DIS3L2: variants seen among roughly 807,000 people sequenced by gnomAD.
DIS3L2 encodes the protein DIS3 like 3'-5' exoribonuclease 2.
Under a neutral mutation model 97.5 loss-of-function variants are expected in DIS3L2, and 34 were observed. The observed-to-expected ratio is 0.35, with a 90% CI of 0.27 to 0.46. DIS3L2 has a LOEUF of 0.46. Among genes scored for constraint, DIS3L2 ranks in the 20% least tolerant of loss-of-function variants. The pLI, the probability that DIS3L2 is intolerant of heterozygous loss-of-function variation, is 1.00. For synonymous variants in DIS3L2, 435 were observed against 445.2 expected, an observed-to-expected ratio of 0.98 and a Z score of 0.29; for missense variants, 1,038 against 1,146.0, an observed-to-expected ratio of 0.91 and a Z score of 1.36.
chr2:232,065,471 C>T (rs1695828742), intron 5 of DIS3L2, among the ~76,000 whole-genome samples: 1 of 151,982 alleles, frequency 6.6e-6, no homozygotes, highest in East Asian at 1.9e-4. Context: ...TAAAAGACTC[C>T]TTTCCCTATT....
intron 1 of DIS3L2, among the ~76,000 whole-genome samples, chr2:231,969,628 A>G (rs1231487188): frequency 6.6e-6 from 1 of 152,150 alleles, no homozygotes; most frequent in Non-Finnish European, 1.5e-5. Flanking sequence ...GCTTTTTAAT[A>G]GATTCCATTG....
chr2:232,167,977 G>C (rs530973844), intron 9 of DIS3L2, among the ~76,000 whole-genome samples: 2 of 152,236 alleles, frequency 1.3e-5, no homozygotes, highest in African/African-American at 4.8e-5. Context: ...TGAACCCGGA[G>C]GCAGAGGTTA....
intron 9 of DIS3L2, among the ~76,000 whole-genome samples, chr2:232,179,921 C>A (rs1282265170): frequency 3.0e-5 from 4 of 131,856 alleles, no homozygotes; most frequent in African/African-American, 1.5e-4. Context: ...AATTTTGGAT[C>A]TTTCCTGCTT....
chr2:232,125,188 C>T (rs1417594728), intron 6 of DIS3L2, among the ~76,000 whole-genome samples: 4 of 152,234 alleles, frequency 2.6e-5, no homozygotes, highest in Non-Finnish European at 4.4e-5. Context: ...TGTCAAACTG[C>T]GGGGCTCCCA....
intron 9 of DIS3L2, among the ~76,000 whole-genome samples, chr2:232,209,378 G>A (rs1209525760): frequency 6.6e-6 from 1 of 152,160 alleles, no homozygotes; most frequent in Non-Finnish European, 1.5e-5. Flanking sequence ...CAGGGAAGAA[G>A]TCTTTAAGAA....
intron 13 of DIS3L2, among the ~76,000 whole-genome samples, chr2:232,265,735 CAG>C (rs780822140): frequency 1.3e-4 from 20 of 152,174 alleles, no homozygotes; most frequent in Admixed American, 5.2e-4. Context: ...AGTTGTAAAA[CAG>C]GGGATAATTA....
chr2:232,108,664 T>G (rs762005080), intron 6 of DIS3L2, among the ~76,000 whole-genome samples: 81 of 152,334 alleles, frequency 5.3e-4, no homozygotes, highest in Non-Finnish European at 4.7e-4. Flanking sequence ...AACCTCATAG[T>G]GTCAGCCCAA....
intron 6 of DIS3L2, among the ~76,000 whole-genome samples, chr2:232,125,426 T>G (rs1698035888): frequency 6.6e-6 from 1 of 152,210 alleles, no homozygotes; most frequent in Non-Finnish European, 1.5e-5. Flanking sequence ...CTTTTCATAG[T>G]GCCCAGTTCT....
intron 3 of DIS3L2, among the ~76,000 whole-genome samples, chr2:232,016,481 T>G (rs1694356325): frequency 6.6e-6 from 1 of 152,080 alleles, no homozygotes; most frequent in African/African-American, 2.4e-5. Context: ...ATGGGGAAAC[T>G]GTGTAGGCTG....
intron 10 of DIS3L2, among the ~76,000 whole-genome samples, chr2:232,218,959 C>G (rs560256551): frequency 1.3e-5 from 2 of 152,326 alleles, no homozygotes; most frequent in Non-Finnish European, 2.9e-5. Context: ...CCCAGCGCTG[C>G]TTCCCTTAAC....
rs57766848 is a variant in DIS3L2, at chr2:232,001,557, C to CTTTTTTTTTTTT, written c.-93-13266_-93-13255dup. ...CTTAGCTTAGTGGAATGCCATTTGTCTTTTTTTTTTTTTTTTTTTTTTTGC... is the reference window on the plus strand; with the variant it reads ...CTTAGCTTAGTGGAATGCCATTTGTCTTTTTTTTTTTTTTTTTTTTTTTTTTTTTTTTTTTGC... On this transcript the variant is annotated intron_variant, in intron 1 of 20. Coordinates refer to ENST00000325385, the MANE Select transcript of DIS3L2 (RefSeq NM_152383.5). Among the ~76,000 whole-genome samples, 109 of 61,920 alleles carry CTTTTTTTTTTTT rather than the reference C, an allele frequency of 1.8e-3. 1 individual carries two copies. The highest frequency in any genetic ancestry group is 2.8e-3 in the African/African-American group (32 of 11,536). The allele number at this position is 61,920 out of a possible 152,430, so 40.6% of individuals were successfully genotyped here. A position where few individuals can be genotyped will look rare whatever the true frequency, so the allele number is the denominator to read the frequency against.
intron 11 of DIS3L2, among the ~76,000 whole-genome samples, chr2:232,247,612 GCCGC>G (rs1559173509): frequency 2.2e-5 from 1 of 46,422 alleles, no homozygotes; most frequent in South Asian, 2.2e-3. Flanking sequence ...ACATATAACT[GCCGC>G]GGGGGGGGGG....
chr2:232,015,680 A>AATCTACTG lies in DIS3L2; in HGVS notation c.210+10_210+17dup, dbSNP rs1553601267. ...GAGGAACACTCATCCAGGTGCTTAAAATCTACTGGAAGGCTATTCTCTGAA... is the reference window on the plus strand; with the variant it reads ...GAGGAACACTCATCCAGGTGCTTAAAATCTACTGATCTACTGGAAGGCTATTCTCTGAA... On this transcript the variant is annotated intron_variant, in intron 3 of 20. Transcript: ENST00000325385. 6.2e-7 allele frequency: 1 copy of AATCTACTG among 1,613,082 alleles called. No homozygotes were observed. Among genetic ancestry groups the AATCTACTG allele is most frequent in the Non-Finnish European group, 8.5e-7 (1 of 1,179,586 alleles).
Position 231,966,641 on chromosome 2 carries a change from A to ATTTTTTTTTTTTTTT in DIS3L2, c.-94+4896_-94+4910dup, listed in dbSNP as rs36151054. On this transcript the variant is annotated intron_variant, in intron 1 of 20. Coordinates refer to ENST00000325385, the MANE Select transcript of DIS3L2 (RefSeq NM_152383.5). ...CACCATGCCCAGCTAGTTAAAAAAC[A>ATTTTTTTTTTTTTTT]TTTTTTTTTTTTTTTTTTTTTTTTT... Among the ~76,000 whole-genome samples the ATTTTTTTTTTTTTTT allele has an allele frequency of 2.6e-4, 13 of 50,394 alleles. 1 individual carries two copies. The highest frequency in any genetic ancestry group is 2.5e-4 in the Non-Finnish European group (7 of 27,942). 33.1% of individuals were successfully genotyped at this position (50,394 alleles called of 152,430 possible). A position where few individuals can be genotyped will look rare whatever the true frequency, so the allele number is the denominator to read the frequency against.
intron 5 of DIS3L2, among the ~76,000 whole-genome samples, chr2:232,067,981 A>G (rs972483026): frequency 6.6e-6 from 1 of 152,168 alleles, no homozygotes; most frequent in Non-Finnish European, 1.5e-5. Context: ...GATTTACCAT[A>G]GAGAGGGAGA....
chr2:232,131,181 T>G (rs897879697), intron 7 of DIS3L2: 2 of 153,242 alleles, frequency 1.3e-5, no homozygotes, highest in Non-Finnish European at 2.9e-5. Flanking sequence ...TCAATTTAGT[T>G]ATAGAAACAA....
At chr2:232,193,356 TC>T (rs1336597378) in intron 9 of DIS3L2, among the ~76,000 whole-genome samples, 7 of 152,230 alleles carry the variant, frequency 4.6e-5, no homozygotes, top group African/African-American at 1.7e-4. Context: ...AAGTTTTAGC[TC>T]CTGTGAGCCC....
chr2:232,001,224 T>C (rs1693892540), intron 1 of DIS3L2, among the ~76,000 whole-genome samples: 1 of 152,192 alleles, frequency 6.6e-6, no homozygotes, highest in Non-Finnish European at 1.5e-5. Flanking sequence ...TTGTTATCTT[T>C]TGTGTTTTCG....
intron 10 of DIS3L2, among the ~76,000 whole-genome samples, chr2:232,220,680 A>G (rs1010647375): frequency 2.0e-5 from 3 of 151,648 alleles, no homozygotes; most frequent in African/African-American, 4.8e-5. Context: ...GCACTCCAGC[A>G]TGGGTGACAA....
Sources: allele counts gnomAD v4.1 joint callset (sites outside exome capture counted in the v4.1 genomes callset), GRCh38; gene constraint gnomAD v4.1.1; transcripts MANE v1.5; gene names NCBI Gene and HGNC (gene_info 2026-07-23, HGNC 2026-07-21).